Variants in STXBP6 observed in about 807,000 individuals in gnomAD.
STXBP6 encodes syntaxin binding protein 6.
A neutral mutation model predicts 26.9 loss-of-function variants in STXBP6; 21 were observed. That is an observed-to-expected ratio of 0.78 (90% CI 0.55 to 1.12). STXBP6 has a LOEUF of 1.12. STXBP6 is among the 50% of genes most tolerant of loss of function. The probability of loss-of-function intolerance (pLI) is 0.00; values close to 1 mark genes in which losing one functional copy is unlikely to be tolerated. For synonymous variants in STXBP6, 97 were observed against 92.6 expected (o/e 1.05, Z -0.27); for missense variants, 232 against 257.9 (o/e 0.90, Z 0.69).
chr14:24,882,284 C>G (rs1485100054), intron 2 of STXBP6, among the ~76,000 whole-genome samples: 1 of 140,516 alleles, frequency 7.1e-6, no homozygotes, highest in Non-Finnish European at 1.5e-5. Context: ...GAGGCTGAGG[C>G]AGGAGAATGG....
chr14:24,986,997 C>A (rs1007579668), intron 1 of STXBP6, among the ~76,000 whole-genome samples: 4 of 152,178 alleles, frequency 2.6e-5, no homozygotes, highest in Non-Finnish European at 5.9e-5. Flanking sequence ...CAATGTCAAC[C>A]CCTTTTTAAT....
chr14:24,961,793 A>C (rs1048638436), intron 2 of STXBP6, among the ~76,000 whole-genome samples: 6 of 137,450 alleles, frequency 4.4e-5, no homozygotes, highest in African/African-American at 1.8e-4. Context: ...TGTAAATCTA[A>C]GCTAAAAAAA....
chr14:24,948,293 A>C (rs1015179200), intron 2 of STXBP6, among the ~76,000 whole-genome samples: 3 of 152,106 alleles, frequency 2.0e-5, no homozygotes, highest in African/African-American at 7.2e-5. Context: ...AGAATCTCCA[A>C]GGAAAACTAT....
chr14:24,863,605 A>G (rs2069619946), intron 2 of STXBP6, among the ~76,000 whole-genome samples: 1 of 152,198 alleles, frequency 6.6e-6, no homozygotes, highest in Non-Finnish European at 1.5e-5. Flanking sequence ...CTAGAAGGAA[A>G]GGAATTTAGG....
chr14:24,819,208 A>G lies in STXBP6; in HGVS notation c.452-14T>C. On this transcript the variant is annotated splice_polypyrimidine_tract_variant and intron_variant, in intron 4 of 5. Transcript: ENST00000323944. ...GGATGCTGTTTCCTGAAAGGAGGAG[A>G]GCAGGAGCATCAGAAACTGGCTCAG... The G allele has an allele frequency of 1.9e-6, 3 of 1,613,830 alleles. No homozygotes were observed. Among genetic ancestry groups the G allele is most frequent in the Non-Finnish European group, 2.5e-6 (3 of 1,180,004 alleles).
intron 2 of STXBP6, among the ~76,000 whole-genome samples, chr14:24,932,618 G>C (rs2072457634): frequency 1.3e-5 from 2 of 152,154 alleles, no homozygotes; most frequent in Admixed American, 1.3e-4. Context: ...GGGAAAATCA[G>C]CTAGGTGGCT....
intron 2 of STXBP6, among the ~76,000 whole-genome samples, chr14:24,963,624 G>A (rs538199390): frequency 3.9e-5 from 6 of 152,200 alleles, no homozygotes; most frequent in African/African-American, 7.2e-5. Context: ...AATTGAAAAC[G>A]GTGACAATGA....
At chr14:24,848,112 A>G (rs1158172678) in intron 4 of STXBP6, among the ~76,000 whole-genome samples, 1 of 152,206 alleles carries the variant, frequency 6.6e-6, no homozygotes, top group Non-Finnish European at 1.5e-5. Context: ...ATATGCTGGG[A>G]GAAATCATGA....
chr14:24,894,557 A>G (rs2139568587), intron 2 of STXBP6, among the ~76,000 whole-genome samples: 1 of 152,318 alleles, frequency 6.6e-6, no homozygotes, highest in Admixed American at 6.5e-5. Context: ...GAAGAGCCCT[A>G]AGCAGATTCC....
chr14:24,921,110 G>A (rs1685013595), intron 2 of STXBP6, among the ~76,000 whole-genome samples: 1 of 152,122 alleles, frequency 6.6e-6, no homozygotes, highest in African/African-American at 2.4e-5. Flanking sequence ...TGTATAATCT[G>A]TTAAAGTCTC....
intron 1 of STXBP6, among the ~76,000 whole-genome samples, chr14:25,040,316 TA>T (rs2075622829): frequency 6.6e-6 from 1 of 152,150 alleles, no homozygotes; most frequent in Non-Finnish European, 1.5e-5. Context: ...GAATTGAAGG[TA>T]GAAAGGCATG....
intron 2 of STXBP6, among the ~76,000 whole-genome samples, chr14:24,920,211 A>G (rs1219455810): frequency 6.6e-6 from 1 of 152,016 alleles, no homozygotes; most frequent in Non-Finnish European, 1.5e-5. Context: ...GGAACTCAAT[A>G]CTCAAAACAC....
intron 2 of STXBP6, among the ~76,000 whole-genome samples, chr14:24,959,478 CTA>C (rs1474685271): frequency 6.6e-6 from 1 of 152,146 alleles, no homozygotes; most frequent in Non-Finnish European, 1.5e-5. Flanking sequence ...AATCTCAGAG[CTA>C]TGTTATTTTA....
rs1288116400 is a variant in STXBP6, at chr14:24,855,925, T to A, written c.451+11A>T. The A allele has an allele frequency of 1.3e-6, 2 of 1,592,184 alleles. No individual in the cohort carries two copies. The highest frequency in any genetic ancestry group is 1.7e-6 in the Non-Finnish European group (2 of 1,171,456). ...AACAGGATGACTAAAGTCACACAAA[T>A]GTCCACTCACCTCCCATAATTTTGG... On this transcript the variant is annotated intron_variant, in intron 4 of 5. Transcript: ENST00000323944.
chr14:25,044,452 A>T (rs1381108503), intron 1 of STXBP6, among the ~76,000 whole-genome samples: 2 of 151,986 alleles, frequency 1.3e-5, no homozygotes, highest in African/African-American at 4.8e-5. Context: ...TTTGATTTGC[A>T]TCCCCCTAAT....
intron 1 of STXBP6, among the ~76,000 whole-genome samples, chr14:25,008,096 T>A (rs1430277084): frequency 6.6e-6 from 1 of 152,204 alleles, no homozygotes; most frequent in Non-Finnish European, 1.5e-5. Context: ...TTCCTTTAAT[T>A]CAGAAACAAA....
At chr14:24,882,113 C>T (rs374208042) in intron 2 of STXBP6, among the ~76,000 whole-genome samples, 4 of 151,868 alleles carry the variant, frequency 2.6e-5, no homozygotes, top group African/African-American at 7.3e-5. Flanking sequence ...GGCGCGGTGG[C>T]TCACGCCTGT....
intron 4 of STXBP6, among the ~76,000 whole-genome samples, chr14:24,824,464 G>A (rs2068226613): frequency 6.6e-6 from 1 of 152,152 alleles, no homozygotes; most frequent in South Asian, 2.1e-4. Context: ...GTGATTAAAT[G>A]CAAAGCCTAC....
chr14:24,932,190 C>T (rs1028451642), intron 2 of STXBP6, among the ~76,000 whole-genome samples: 2 of 152,130 alleles, frequency 1.3e-5, no homozygotes, highest in African/African-American at 2.4e-5. Flanking sequence ...GGGCAGATCA[C>T]GAGGTCAGGA....
Sources: gnomAD v4.1 joint callset for allele counts (sites outside exome capture counted in the v4.1 genomes callset) on GRCh38, gnomAD v4.1.1 for gene constraint, MANE v1.5 for transcripts, NCBI Gene and HGNC (gene_info 2026-07-23, HGNC 2026-07-21) for gene names.